Variants in LAMA3 observed in about 807,000 individuals in gnomAD.
LAMA3 encodes the protein laminin subunit alpha 3, also known as laminin subunit alpha-3.
In LAMA3, 281 loss-of-function variants were observed where a neutral mutation model predicts 402.0. That is an observed-to-expected ratio of 0.70 (90% CI 0.63 to 0.77). The LOEUF (loss-of-function observed/expected upper bound fraction) is 0.77. LAMA3 is among the 30% of genes least tolerant of loss of function. LAMA3 has a pLI of 0.00. For missense variants in LAMA3, 3,840 were observed against 4,215.5 expected (o/e 0.91, Z 2.47); for synonymous variants, 1,431 against 1,558.4 (o/e 0.92, Z 1.93).
chr18:23,793,869 G>A (rs1416860058), intron 12 of LAMA3, among the ~76,000 whole-genome samples: 1 of 152,174 alleles, frequency 6.6e-6, no homozygotes, highest in East Asian at 1.9e-4. Flanking sequence ...TGGGCCTCTG[G>A]AACTTCTGAC....
Position 23,928,776 on chromosome 18 carries a change from G to A in LAMA3, c.8436+11G>A. 4 of 1,610,916 alleles carry A rather than the reference G, an allele frequency of 2.5e-6. No individual in the cohort carries two copies. Among genetic ancestry groups the A allele is most frequent in the Non-Finnish European group, 2.5e-6 (3 of 1,177,064 alleles). ...GATCATCAGACATGGGTATGCAGTA[G>A]TGCATTAATATCAAACAAGATTTAA... is the stretch of plus-strand genomic sequence containing the variant. On this transcript the variant is annotated intron_variant, in intron 64 of 74. Transcript: ENST00000313654.
intron 44 of LAMA3, among the ~76,000 whole-genome samples, chr18:23,895,616 C>A (rs1397751048): frequency 6.6e-6 from 1 of 152,052 alleles, no homozygotes; most frequent in East Asian, 1.9e-4. Flanking sequence ...CCTTATTATC[C>A]TTTGTACATC....
intron 38 of LAMA3, among the ~76,000 whole-genome samples, chr18:23,874,139 A>C (rs1177097390): frequency 1.3e-5 from 2 of 152,238 alleles, no homozygotes; most frequent in Non-Finnish European, 1.5e-5. Context: ...ATACTCCCCC[A>C]AAGCATGTTT....
In LAMA3 at chr18:23,904,158, G is replaced by C. The variant is rs1599051484; in HGVS notation, c.6473+71G>C. 4 of 1,575,398 alleles carry C rather than the reference G, an allele frequency of 2.5e-6. No individual in the cohort carries two copies. The East Asian group carries it at 9.0e-5, about 35-fold the overall frequency. The stretch of plus-strand genomic sequence containing the variant: ...CAGCAGCTTGTCCTGAGACAAGCAA[G>C]GCCCTCCCCTGGGTTGGCTGGGTCT... On this transcript the variant is annotated intron_variant, in intron 50 of 74. Coordinates refer to ENST00000313654, the MANE Select transcript of LAMA3 (RefSeq NM_198129.4).
At chr18:23,947,821 T>G (rs972827064) in intron 70 of LAMA3, among the ~76,000 whole-genome samples, 4 of 149,692 alleles carry the variant, frequency 2.7e-5, no homozygotes, top group African/African-American at 4.9e-5. Context: ...TCTTTTTTTT[T>G]TTTTTTTTGA....
chr18:23,879,310 A>G lies in LAMA3; in HGVS notation c.5113-2626A>G, dbSNP rs1458978434. Among the ~76,000 whole-genome samples the G allele has an allele frequency of 2.0e-5, 3 of 151,938 alleles. No homozygotes were observed. Among genetic ancestry groups the G allele is most frequent in the Non-Finnish European group, 2.9e-5 (2 of 67,982 alleles). On this transcript the variant is annotated intron_variant, in intron 39 of 74. Transcript: ENST00000313654. The surrounding 1 kb of genome is among the most constrained non-coding windows in gnomAD (Gnocchi z 4.2). The stretch of plus-strand genomic sequence containing the variant: ...CCTTTGCTTTTCATTCCCTCCACAC[A>G]CTGCCATGCTATTGTGAGACTGAGG...
chr18:23,779,077 G>C (rs2062382935), intron 11 of LAMA3, among the ~76,000 whole-genome samples: 1 of 152,186 alleles, frequency 6.6e-6, no homozygotes. Context: ...AACAAAAAGA[G>C]ACCAGGTGTG....
chr18:23,863,360 A>G (rs2064271969), intron 35 of LAMA3, among the ~76,000 whole-genome samples: 1 of 152,152 alleles, frequency 6.6e-6, no homozygotes, highest in Non-Finnish European at 1.5e-5. Context: ...CAGGAGAATC[A>G]TTTGAACCTG....
Position 23,864,819 on chromosome 18 carries a change from C to CCAAA in LAMA3, c.4622_4623insACAA (p.Ser1542GlnfsTer30), listed in dbSNP as rs1568271918. 6.2e-6 allele frequency: 10 copies of CCAAA among 1,613,540 alleles called. No homozygotes were observed. The highest frequency in any genetic ancestry group is 8.5e-6 in the Non-Finnish European group (10 of 1,179,606). ...TATGGTGGTTACCTCACTTACCAAG[C>CCAAA]CAAGTCCTTTGGCTTGCCTGGCGAC... On this transcript the variant is annotated frameshift_variant, in exon 36 of 75. Transcript: ENST00000313654. LOFTEE classifies it high-confidence loss of function.
At chr18:23,842,810 G>A (rs2063734329) in intron 29 of LAMA3, 60 bp downstream of exon 29, 7 of 1,603,566 alleles carry the variant, frequency 4.4e-6, no homozygotes, top group Admixed American at 1.7e-5. Flanking sequence ...GCCATTCTGG[G>A]TGTCTGTTTA....
rs1029907311 is a variant in LAMA3, at chr18:23,826,729, T to G, written c.2599T>G (p.Tyr867Asp). 6 of 1,563,714 alleles carry G rather than the reference T, an allele frequency of 3.8e-6. No individual in the cohort carries two copies. Among genetic ancestry groups the G allele is most frequent in the Non-Finnish European group, 5.2e-6 (6 of 1,152,490 alleles). The change falls in exon 22 of 75, where the codon TAC becomes GAC. Residue 867 changes from tyrosine to aspartate, a missense_variant. Physicochemically the swap from Tyr to Asp is radical, Grantham distance 160. This residue lies in a region of LAMA3 where 2,109 missense variants were observed against 2,376.0 expected (regional missense o/e 0.89). Transcript: ENST00000313654. ...TTACCTGGTGCTGCTCCCCAGGGAC[T>G]ACTATGAAGCCTCTGTACTGCAGCT... The part of the protein sequence containing the change: ...LDYLVLLPRD[Y>D]YEASVLQLPV...
chr18:23,788,956 A>G (rs1403494459), intron 12 of LAMA3, among the ~76,000 whole-genome samples: 2 of 151,646 alleles, frequency 1.3e-5, no homozygotes, highest in East Asian at 1.9e-4. Context: ...ATATATGGAT[A>G]TATTATTTTT....
At position 23,954,564 on chromosome 18, in the gene LAMA3, T is replaced by G. The variant is rs1360537644; in HGVS notation, c.9918T>G (p.Ile3306Met). Residue 3306 changes from isoleucine to methionine, a missense_variant, in exon 75 of 75, where the codon ATT becomes ATG. Ile to Met is a conservative substitution (Grantham distance 10). Coordinates refer to ENST00000313654, the MANE Select transcript of LAMA3 (RefSeq NM_198129.4). The part of the protein sequence containing the change: ...WKSFFGCLRN[I>M]HVNHIPVPVT... ...CATTCTTTGGCTGTCTGAGGAATAT[T>G]CATGTCAATCACATCCCTGTCCCTG... 1 of 1,613,796 alleles carries G rather than the reference T, an allele frequency of 6.2e-7. No individual in the cohort carries two copies. Among genetic ancestry groups the G allele is most frequent in the African/African-American group, 1.3e-5 (1 of 74,898 alleles).
chr18:23,933,944 C>G lies in LAMA3; in HGVS notation c.8862+9C>G. ...CTTTTCGTATCAACCAGGTAAGTGTCCAAACCTAACCCTGGGTTTCCCTCT... is the reference window on the plus strand; with the variant it reads ...CTTTTCGTATCAACCAGGTAAGTGTGCAAACCTAACCCTGGGTTTCCCTCT... On this transcript the variant is annotated intron_variant, in intron 67 of 74. Transcript: ENST00000313654. The G allele has an allele frequency of 6.2e-7, 1 of 1,613,630 alleles. No individual in the cohort carries two copies. Among genetic ancestry groups the G allele is most frequent in the Non-Finnish European group, 8.5e-7 (1 of 1,179,696 alleles).
At chr18:23,938,015 A>G (rs2082364281) in intron 67 of LAMA3, among the ~76,000 whole-genome samples, 1 of 152,190 alleles carries the variant, frequency 6.6e-6, no homozygotes, top group Admixed American at 6.5e-5. Context: ...ATGCAGGGGT[A>G]GGTGAGGCTT....
intron 64 of LAMA3, among the ~76,000 whole-genome samples, chr18:23,929,295 A>T (rs548811460): frequency 1.2e-4 from 18 of 152,372 alleles, no homozygotes; most frequent in Middle Eastern, 3.4e-3. Flanking sequence ...CCACAAGGAG[A>T]TACCATCTGT....
Position 23,914,423 on chromosome 18 carries a change from A to G in LAMA3, c.7343A>G (p.Tyr2448Cys). The change falls in exon 57 of 75, where the codon TAC becomes TGC. Residue 2448 changes from tyrosine to cysteine, a missense_variant. Tyr to Cys is a radical substitution (Grantham distance 194, BLOSUM62 -2). This residue lies in a region of LAMA3 where 891 missense variants were observed against 857.5 expected (regional missense o/e 1.04). Transcript: ENST00000313654. Reference protein sequence around the residue: ...YLGNKDASRDYIGMAVVDGQL... With the variant: ...YLGNKDASRDCIGMAVVDGQL... ...CTTTGTCTCCAGGCCTCCCGGGACT[A>G]CATCGGCATGGCAGTTGTGGATGGC... 1.2e-6 allele frequency: 2 copies of G among 1,614,208 alleles called. No homozygotes were observed. The highest frequency in any genetic ancestry group is 1.7e-6 in the Non-Finnish European group (2 of 1,180,032).
chr18:23,795,045 G>A (rs1023618960), intron 12 of LAMA3, among the ~76,000 whole-genome samples: 2 of 152,078 alleles, frequency 1.3e-5, no homozygotes, highest in African/African-American at 2.4e-5. Context: ...CAAGCAGTTA[G>A]GTCCCCACCC....
At chr18:23,785,134 G>T (rs1354558002) in intron 12 of LAMA3, among the ~76,000 whole-genome samples, 1 of 152,156 alleles carries the variant, frequency 6.6e-6, no homozygotes, top group East Asian at 1.9e-4. Flanking sequence ...CAGAGTCAGA[G>T]CACAGCTGCA....
Sources: allele counts gnomAD v4.1 joint callset (sites outside exome capture counted in the v4.1 genomes callset), GRCh38; gene constraint gnomAD v4.1.1; regional missense constraint gnomAD v4.1.1; non-coding constraint Gnocchi (gnomAD v3.1); transcripts MANE v1.5; gene names NCBI Gene and HGNC (gene_info 2026-07-23, HGNC 2026-07-21).